The following TRPM7 variants were observed in gnomAD, a reference collection of about 807,000 sequenced individuals.
TRPM7 encodes transient receptor potential cation channel subfamily M member 7, also known as LTRPC ion channel family member 7.
In TRPM7, 134 loss-of-function variants were observed where a neutral mutation model predicts 229.7. The observed-to-expected ratio is 0.58, with a 90% confidence interval of 0.51 to 0.67. The LOEUF is 0.67. TRPM7 is among the 30% of genes least tolerant of loss of function. TRPM7 has a pLI of 0.00. For synonymous variants in TRPM7, 699 were observed against 715.2 expected (o/e 0.98, Z 0.36); for missense variants, 1,901 against 2,210.0 (o/e 0.86, Z 2.80).
At chr15:50,619,383 G>C (rs961728908) in intron 13 of TRPM7, among the ~76,000 whole-genome samples, 1 of 151,848 alleles carries the variant, frequency 6.6e-6, no homozygotes. Context: ...ACCATGCCCA[G>C]GTAATTTTTT....
At chr15:50,678,539 T>TAC (rs1371201599) in intron 1 of TRPM7, among the ~76,000 whole-genome samples, 11 of 138,160 alleles carry the variant, frequency 8.0e-5, no homozygotes, top group East Asian at 2.1e-4. Context: ...TATATATATA[T>TAC]ATACACACAC....
At chr15:50,620,855 C>A (rs2060376280) in intron 12 of TRPM7, among the ~76,000 whole-genome samples, 1 of 152,046 alleles carries the variant, frequency 6.6e-6, no homozygotes, top group Admixed American at 6.6e-5. Context: ...TCGCTTGAAC[C>A]CGGGAGGCGG....
intron 4 of TRPM7, 55 bp downstream of exon 4, chr15:50,648,632 A>G (rs1458814910): frequency 6.8e-6 from 10 of 1,472,606 alleles, no homozygotes; most frequent in Admixed American, 2.2e-5. Context: ...ACAAATTGTG[A>G]TGTTTATTAT....
intron 1 of TRPM7, among the ~76,000 whole-genome samples, chr15:50,680,795 A>T (rs999762433): frequency 6.6e-6 from 1 of 152,188 alleles, no homozygotes; most frequent in Non-Finnish European, 1.5e-5. Context: ...CATGTCCCTG[A>T]ATATCAAAAG....
At chr15:50,563,575 A>T (rs1487868689) in intron 38 of TRPM7, among the ~76,000 whole-genome samples, 2 of 152,228 alleles carry the variant, frequency 1.3e-5, no homozygotes, top group African/African-American at 4.8e-5. Context: ...AGGGCAAGGG[A>T]AAAGAAGAAT....
chr15:50,675,116 G>A (rs965867554), intron 1 of TRPM7, among the ~76,000 whole-genome samples: 1 of 152,170 alleles, frequency 6.6e-6, no homozygotes, highest in African/African-American at 2.4e-5. Context: ...GCCGAGGCAG[G>A]TGGATCACCT....
chr15:50,564,139 G>T (rs1596041538), intron 38 of TRPM7, among the ~76,000 whole-genome samples: 1 of 152,044 alleles, frequency 6.6e-6, no homozygotes, highest in South Asian at 2.1e-4. Flanking sequence ...TGAGATTACA[G>T]GCATGAGCCA....
At chr15:50,590,257 G>A (rs139851830) in intron 26 of TRPM7, among the ~76,000 whole-genome samples, 34 of 152,034 alleles carry the variant, frequency 2.2e-4, no homozygotes, top group African/African-American at 8.0e-4. Context: ...AAGAAAAAAG[G>A]GGACCAAGCA....
At chr15:50,683,257 T>A (rs2062281685) in intron 1 of TRPM7, among the ~76,000 whole-genome samples, 1 of 151,832 alleles carries the variant, frequency 6.6e-6, no homozygotes, top group Non-Finnish European at 1.5e-5. Flanking sequence ...TGCAATTTAC[T>A]TATATGTTGA....
intron 3 of TRPM7, among the ~76,000 whole-genome samples, chr15:50,653,417 T>C (rs2061477030): frequency 6.6e-6 from 1 of 152,236 alleles, no homozygotes; most frequent in African/African-American, 2.4e-5. Flanking sequence ...AGAGTACCAC[T>C]ACATGCTAAG....
chr15:50,608,423 T>G (rs1457989820), intron 19 of TRPM7, among the ~76,000 whole-genome samples: 1 of 150,872 alleles, frequency 6.6e-6, no homozygotes, highest in African/African-American at 2.4e-5. Context: ...CATCCTTTAT[T>G]TGATTATCTG....
At chr15:50,614,957 G>A (rs1428774389) in intron 13 of TRPM7, among the ~76,000 whole-genome samples, 3 of 151,938 alleles carry the variant, frequency 2.0e-5, no homozygotes, top group East Asian at 1.9e-4. Flanking sequence ...ATCACCTGAG[G>A]TTGGGAGTTC....
In TRPM7 at chr15:50,612,797, T is replaced by G; in HGVS notation, c.1803A>C (p.Lys601Asn). The change falls in exon 16 of 39, where the codon AAA becomes AAC. Residue 601 changes from lysine (K) to asparagine (N), a missense_variant. Transcript: ENST00000646667. ...IDTVMEEGKKKRTKDEIVDID... is the reference protein window; with the variant it reads ...IDTVMEEGKKNRTKDEIVDID... ...TGTCTACAATTTCATCTTTGGTTCT[T>G]TTCTTCTTTCCTTCTTCCATAACTG... 1 of 1,613,644 alleles carries G rather than the reference T, an allele frequency of 6.2e-7. No individual in the cohort carries two copies. The highest frequency in any genetic ancestry group is 8.5e-7 in the Non-Finnish European group (1 of 1,179,952).
chr15:50,669,506 C>T (rs2061946170), intron 1 of TRPM7, among the ~76,000 whole-genome samples: 1 of 152,104 alleles, frequency 6.6e-6, no homozygotes, highest in African/African-American at 2.4e-5. Context: ...CCTTATGGAA[C>T]AGAGTTCCAT....
In TRPM7 at chr15:50,654,568, T is replaced by C. The variant is rs888949343; in HGVS notation, c.122+3213A>G. ...GACAAAGACTCTAATGCAGGTATTATAAATATGCTGAAGGGCATACAGGAA... is the reference window on the plus strand; with the variant it reads ...GACAAAGACTCTAATGCAGGTATTACAAATATGCTGAAGGGCATACAGGAA... On this transcript the variant is annotated intron_variant, in intron 3 of 38. Transcript: ENST00000646667. Among the ~76,000 whole-genome samples, 8 of 151,676 alleles carry C rather than the reference T, an allele frequency of 5.3e-5. No homozygotes were observed. In the East Asian group the frequency reaches 1.3e-3, roughly 26 times the overall value.
At chr15:50,607,912 A>G (rs1596175665) in intron 19 of TRPM7, among the ~76,000 whole-genome samples, 1 of 150,382 alleles carries the variant, frequency 6.6e-6, no homozygotes, top group Non-Finnish European at 1.5e-5. Flanking sequence ...AAAATTAGCC[A>G]GACGTGGTGG....
At chr15:50,590,475 G>A (rs1003698038) in intron 26 of TRPM7, among the ~76,000 whole-genome samples, 4 of 152,136 alleles carry the variant, frequency 2.6e-5, no homozygotes, top group Non-Finnish European at 5.9e-5. Context: ...TCCACATTAA[G>A]ACCAGTCTAG....
chr15:50,609,867 T>A lies in TRPM7; in HGVS notation c.2375A>T (p.His792Leu). ...TTCGCTGTCATCCATTGTCATCTGA[T>A]GAGCATCTTGAGATTGTGGGATATG... ...MSHIPQSQDA[H>L]QMTMDDSENN... is the part of the protein sequence containing the mutation. Residue 792 changes from histidine to leucine, a missense_variant, in exon 18 of 39, where the codon CAT (histidine) becomes CTT (leucine). Coordinates refer to ENST00000646667, the MANE Select transcript of TRPM7 (RefSeq NM_017672.6). The A allele has an allele frequency of 6.2e-7, 1 of 1,613,110 alleles. No homozygotes were observed. Among genetic ancestry groups the A allele is most frequent in the Non-Finnish European group, 8.5e-7 (1 of 1,179,358 alleles).
At chr15:50,605,952 A>G (rs571277277) in intron 20 of TRPM7, among the ~76,000 whole-genome samples, 1 of 152,376 alleles carries the variant, frequency 6.6e-6, no homozygotes, top group African/African-American at 2.4e-5. Flanking sequence ...AAAAGAAAAA[A>G]AAAAGAAATT....
Sources: allele counts gnomAD v4.1 joint callset (sites outside exome capture counted in the v4.1 genomes callset), GRCh38; gene constraint gnomAD v4.1.1; transcripts MANE v1.5; gene names NCBI Gene and HGNC (gene_info 2026-07-23, HGNC 2026-07-21).